FHIT: variants seen among roughly 807,000 people sequenced by gnomAD.
FHIT encodes bis(5'-adenosyl)-triphosphatase.
In FHIT, 19 loss-of-function variants were observed where a neutral mutation model predicts 17.9. That is an observed-to-expected ratio of 1.06 (90% CI 0.74 to 1.56). The LOEUF (loss-of-function observed/expected upper bound fraction) is 1.56. Among genes scored for constraint, FHIT ranks in the 40% most tolerant of loss-of-function variants. FHIT has a pLI of 0.00. For missense variants in FHIT, 248 were observed against 189.2 expected, an observed-to-expected ratio of 1.31 and a Z score of -1.82; for synonymous variants, 81 against 69.7, an observed-to-expected ratio of 1.16 and a Z score of -0.81.
intron 8 of FHIT, among the ~76,000 whole-genome samples, chr3:59,778,472 A>G (rs1485459533): frequency 6.6e-6 from 1 of 152,204 alleles, no homozygotes; most frequent in Non-Finnish European, 1.5e-5. Flanking sequence ...TTTAGGATGG[A>G]GCAGGGGTAA....
chr3:59,814,509 C>G (rs1039960345), intron 8 of FHIT, among the ~76,000 whole-genome samples: 3 of 152,174 alleles, frequency 2.0e-5, no homozygotes, highest in Non-Finnish European at 4.4e-5. Context: ...GAAGTTCATG[C>G]TTTAGCACAC....
chr3:60,114,084 T>C (rs1576128536), intron 5 of FHIT, among the ~76,000 whole-genome samples: 2 of 121,916 alleles, frequency 1.6e-5, no homozygotes, highest in South Asian at 5.7e-4. Flanking sequence ...ATGTTATATG[T>C]ATCTTACCAC....
chr3:60,026,453 C>T (rs1700744451), intron 5 of FHIT, among the ~76,000 whole-genome samples: 1 of 152,142 alleles, frequency 6.6e-6, no homozygotes, highest in African/African-American at 2.4e-5. Flanking sequence ...CTTCATTCAT[C>T]TCATGTTTAA....
At chr3:61,209,226 C>A (rs998138644) in intron 1 of FHIT, among the ~76,000 whole-genome samples, 1 of 152,212 alleles carries the variant, frequency 6.6e-6, no homozygotes, top group Admixed American at 6.5e-5. Flanking sequence ...GTAACCCGAC[C>A]TTTCTCTCTG....
chr3:60,863,554 C>T (rs1209476384), intron 3 of FHIT, among the ~76,000 whole-genome samples: 2 of 152,156 alleles, frequency 1.3e-5, no homozygotes, highest in African/African-American at 4.8e-5. Flanking sequence ...ATTCATCAAT[C>T]TGAGGTTTAC....
At chr3:60,889,802 G>T (rs1426358316) in intron 3 of FHIT, among the ~76,000 whole-genome samples, 2 of 152,178 alleles carry the variant, frequency 1.3e-5, no homozygotes, top group Non-Finnish European at 2.9e-5. Flanking sequence ...GGCAAATTGG[G>T]TTAATATGAT....
At chr3:60,081,420 C>G (rs1703278894) in intron 5 of FHIT, among the ~76,000 whole-genome samples, 1 of 152,128 alleles carries the variant, frequency 6.6e-6, no homozygotes, top group South Asian at 2.1e-4. Flanking sequence ...TTCTCTGTAT[C>G]ACACTCCCTC....
At chr3:61,208,955 T>C (rs4688350) in intron 1 of FHIT, among the ~76,000 whole-genome samples, 65,950 of 151,618 alleles carry the variant, frequency 0.43, 14,931 homozygotes, top group East Asian at 0.58. Context: ...TGGCTGGTAC[T>C]GGTTGTTCCT....
intron 5 of FHIT, among the ~76,000 whole-genome samples, chr3:60,466,631 C>CA (rs1215727773): frequency 1.3e-5 from 2 of 151,928 alleles, no homozygotes; most frequent in Non-Finnish European, 2.9e-5. Context: ...TTGAAATAAT[C>CA]ATATCGTTTT....
intron 5 of FHIT, among the ~76,000 whole-genome samples, chr3:60,244,060 G>C (rs1300733198): frequency 6.6e-6 from 1 of 152,026 alleles, no homozygotes; most frequent in Non-Finnish European, 1.5e-5. Flanking sequence ...CAAAGGCTGA[G>C]GTTAAAGATA....
At chr3:60,712,216 C>A (rs1201108528) in intron 4 of FHIT, among the ~76,000 whole-genome samples, 8 of 152,104 alleles carry the variant, frequency 5.3e-5, no homozygotes, top group East Asian at 1.9e-4. Context: ...CCTTTACAGA[C>A]AAGCAAATGC....
At chr3:60,955,635 C>CATATATATATGTATATATATATACAT (rs1553778580) in intron 3 of FHIT, among the ~76,000 whole-genome samples, 1 of 48,346 alleles carries the variant, frequency 2.1e-5, no homozygotes, top group Non-Finnish European at 4.4e-5. Context: ...TATATATATA[C>CATATATATATGTATATATATATACAT]ACACACACAC....
intron 5 of FHIT, among the ~76,000 whole-genome samples, chr3:60,253,534 A>G (rs1705833454): frequency 6.6e-6 from 1 of 152,140 alleles, no homozygotes. Context: ...ATAAGAGAAA[A>G]CCATCACACC....
intron 4 of FHIT, among the ~76,000 whole-genome samples, chr3:60,761,428 G>A (rs1472775037): frequency 6.6e-6 from 1 of 151,860 alleles, no homozygotes; most frequent in Non-Finnish European, 1.5e-5. Context: ...ACACTGTTCT[G>A]GTCACATTTC....
intron 8 of FHIT, among the ~76,000 whole-genome samples, chr3:59,896,492 C>G (rs9311737): frequency 6.6e-6 from 1 of 152,098 alleles, no homozygotes; most frequent in South Asian, 2.1e-4. Context: ...GTTCATCTAG[C>G]ACCAAGAGTA....
chr3:60,684,999 G>A lies in FHIT; in HGVS notation c.-18+136920C>T, dbSNP rs555322185. On this transcript the variant is annotated intron_variant, in intron 4 of 9. Transcript: ENST00000492590. ...TAACTTGTCCTCCCTACGCCAGAGG[G>A]AAAGTAGCGTTCTTATCATCAAAGA... 5.3e-5 allele frequency among the ~76,000 whole-genome samples: 8 copies of A among 152,244 alleles called. No individual in the cohort carries two copies. The South Asian group carries it at 1.7e-3, about 32-fold the overall frequency.
At position 60,383,816 on chromosome 3, in the gene FHIT, C is replaced by T. The variant is rs1383813923; in HGVS notation, c.103+153044G>A. ...TCCTTATTCATCCTGTCTCTCTAAA[C>T]AACAGCAAAATTTTTAACCCATCAT... On this transcript the variant is annotated intron_variant, in intron 5 of 9. Coordinates refer to ENST00000492590, the MANE Select transcript of FHIT (RefSeq NM_002012.4). Among the ~76,000 whole-genome samples the T allele has an allele frequency of 3.3e-5, 5 of 152,144 alleles. No individual in the cohort carries two copies. In the East Asian group the frequency reaches 9.6e-4, roughly 29 times the overall value.
intron 8 of FHIT, among the ~76,000 whole-genome samples, chr3:59,767,989 A>AT (rs1701886452): frequency 1.3e-5 from 2 of 152,124 alleles, no homozygotes. Flanking sequence ...GAGGCACAAT[A>AT]TTATTATCCC....
chr3:60,785,421 T>C (rs1459784422), intron 4 of FHIT, among the ~76,000 whole-genome samples: 4 of 151,828 alleles, frequency 2.6e-5, no homozygotes, highest in African/African-American at 9.7e-5. Context: ...AGGCAAAGAG[T>C]ATATTAAACT....
Sources: allele counts gnomAD v4.1 joint callset (sites outside exome capture counted in the v4.1 genomes callset), GRCh38; gene constraint gnomAD v4.1.1; transcripts MANE v1.5; gene names NCBI Gene and HGNC (gene_info 2026-07-23, HGNC 2026-07-21).